FHL5: variants seen among roughly 807,000 people sequenced by gnomAD.
FHL5 encodes the protein four and a half LIM domains protein 5.
FHL5 carries 33 observed loss-of-function variants against 32.0 expected under a neutral mutation model. The observed-to-expected ratio is 1.03, with a 90% confidence interval of 0.78 to 1.38. The LOEUF (loss-of-function observed/expected upper bound fraction) is 1.38. Ranked by LOEUF, FHL5 falls within the 40% of genes most tolerant of loss-of-function variation. FHL5 has a pLI of 0.00. For missense variants in FHL5, 336 were observed against 343.9 expected (o/e 0.98, Z 0.18); for synonymous variants, 114 against 113.6 (o/e 1.00, Z -0.02).
At position 96,574,084 on chromosome 6, in the gene FHL5, CTT is replaced by C. The variant is rs1382489621; in HGVS notation, c.-13+10735_-13+10736del. Among the ~76,000 whole-genome samples the C allele has an allele frequency of 2.6e-5, 4 of 151,900 alleles. No individual in the cohort carries two copies. In the South Asian group the frequency reaches 8.3e-4, roughly 32 times the overall value. On this transcript the variant is annotated intron_variant, in intron 1 of 5. Transcript: ENST00000450218. ...GTCATACTGATTATTCTATTTCACA[CTT>C]TTTTTCCCACTTAGAGAATTATAAG...
chr6:96,574,653 G>A (rs1043520737), intron 1 of FHL5, among the ~76,000 whole-genome samples: 1 of 152,100 alleles, frequency 6.6e-6, no homozygotes, highest in African/African-American at 2.4e-5. Context: ...CCCAGGGTTT[G>A]AGAAATTTCT....
intron 1 of FHL5, among the ~76,000 whole-genome samples, chr6:96,597,403 T>C (rs1239133829): frequency 2.0e-5 from 3 of 152,162 alleles, no homozygotes; most frequent in Non-Finnish European, 4.4e-5. Context: ...GGCATGACAT[T>C]TGTTGATTAG....
chr6:96,569,588 T>G (rs1437668729), intron 1 of FHL5, among the ~76,000 whole-genome samples: 1 of 152,054 alleles, frequency 6.6e-6, no homozygotes, highest in African/African-American at 2.4e-5. Context: ...TTATTTGCTT[T>G]ATAAATCTGG....
chr6:96,613,776 T>G (rs1771461339), intron 5 of FHL5, among the ~76,000 whole-genome samples: 1 of 152,216 alleles, frequency 6.6e-6, no homozygotes. Context: ...CTGGGTGACC[T>G]GGGGCAAGCG....
rs1196404011 is a variant in FHL5 at position 96,617,222 on chromosome 6, G to C, written c.*1450G>C. Reference sequence around the variant, plus strand: ...TTTCACATTGGTTATAGCATCTCTTGGATGGAGTAGAGGGAGGTCAGGAGA... The same window carrying C: ...TTTCACATTGGTTATAGCATCTCTTCGATGGAGTAGAGGGAGGTCAGGAGA... On this transcript the variant is annotated 3_prime_UTR_variant, in exon 6 of 6. Transcript: ENST00000450218. 6.6e-6 allele frequency among the ~76,000 whole-genome samples: 1 copy of C among 152,158 alleles called. No homozygotes were observed. Among genetic ancestry groups the C allele is most frequent in the Non-Finnish European group, 1.5e-5 (1 of 68,030 alleles).
intron 1 of FHL5, among the ~76,000 whole-genome samples, chr6:96,585,782 A>T (rs1770784289): frequency 6.6e-6 from 1 of 152,208 alleles, no homozygotes; most frequent in Admixed American, 6.5e-5. Flanking sequence ...GAGAGTCATT[A>T]TTGGAAACCA....
Position 96,618,042 on chromosome 6 carries a change from G to A in FHL5, c.*2270G>A, listed in dbSNP as rs1771557460. The stretch of plus-strand genomic sequence containing the variant: ...GTATGGAAATGCAGAAGTGCCTGAT[G>A]CAAAGATCCTTGCCTGCAGGTTAAA... On this transcript the variant is annotated 3_prime_UTR_variant, in exon 6 of 6. Coordinates refer to ENST00000450218, the MANE Select transcript of FHL5 (RefSeq NM_001322466.2). 6.6e-6 allele frequency among the ~76,000 whole-genome samples: 1 copy of A among 152,176 alleles called. No individual in the cohort carries two copies. Among genetic ancestry groups the A allele is most frequent in the African/African-American group, 2.4e-5 (1 of 41,444 alleles).
At chr6:96,604,714 A>T (rs1456327820) in intron 2 of FHL5, 36 bp from the exon 3 acceptor site, 1 of 1,560,526 alleles carries the variant, frequency 6.4e-7, no homozygotes, top group Non-Finnish European at 8.7e-7. Context: ...TATTGTCACA[A>T]CCACATTTAA....
At chr6:96,614,952 G>A (rs960904579) in intron 5 of FHL5, among the ~76,000 whole-genome samples, 2 of 152,172 alleles carry the variant, frequency 1.3e-5, no homozygotes, top group Non-Finnish European at 2.9e-5. Context: ...TTCAACAAAA[G>A]CTGAAGCTGG....
chr6:96,593,767 T>G (rs1020273264), intron 1 of FHL5, among the ~76,000 whole-genome samples: 1 of 152,128 alleles, frequency 6.6e-6, no homozygotes, highest in East Asian at 1.9e-4. Flanking sequence ...TACGCTTTTC[T>G]CCTTCCTTTG....
rs1219942266 is a variant in FHL5 at position 96,610,651 on chromosome 6, A to G, written c.584A>G (p.Asp195Gly). The change falls in exon 5 of 6, where the codon GAT (aspartate) becomes GGT (glycine). Residue 195 changes from aspartate (D) to glycine (G), a missense_variant. Coordinates refer to ENST00000450218, the MANE Select transcript of FHL5 (RefSeq NM_001322466.2). Reference protein sequence around the residue: ...ECFLCSGCRKDLCEEQFMSRD... With the variant: ...ECFLCSGCRKGLCEEQFMSRD... The stretch of plus-strand genomic sequence containing the variant: ...TTTCTGTGTAGTGGCTGTAGGAAAG[A>G]TCTCTGTGAAGAACAGTTCATGTCC... 2.5e-6 allele frequency: 4 copies of G among 1,613,496 alleles called. No individual in the cohort carries two copies. The East Asian group carries it at 8.9e-5, about 36-fold the overall frequency.
Position 96,610,694 on chromosome 6 carries a change from C to A in FHL5, c.627C>A (p.Phe209Leu), listed in dbSNP as rs748834846. ...TCATGTCCAGAGACGACTATCCATT[C>A]TGCGTGGACTGCTACAACCATCTTT... ...EQFMSRDDYP[F>L]CVDCYNHLYA... The change falls in exon 5 of 6, where the codon TTC becomes TTA. Residue 209 changes from phenylalanine to leucine, a missense_variant. By Grantham distance (22) the Phe-to-Leu change is conservative (BLOSUM62 0). Transcript: ENST00000450218. The A allele has an allele frequency of 5.6e-6, 9 of 1,613,684 alleles. No homozygotes were observed. In the African/African-American group the frequency reaches 1.2e-4, roughly 22 times the overall value.
Position 96,616,787 on chromosome 6 carries a change from A to G in FHL5, c.*1015A>G, listed in dbSNP as rs781261571. On this transcript the variant is annotated 3_prime_UTR_variant, in exon 6 of 6. Transcript: ENST00000450218. ...ACATAAATGATTAATGGGCAGACAT[A>G]AAAGTGGGCTTTAAAGAAATCTAGT... 1.1e-4 allele frequency among the ~76,000 whole-genome samples: 17 copies of G among 152,220 alleles called. No homozygotes were observed. The highest frequency in any genetic ancestry group is 2.2e-4 in the Non-Finnish European group (15 of 68,034).
chr6:96,598,025 T>C (rs1771071431), intron 1 of FHL5, among the ~76,000 whole-genome samples: 1 of 152,160 alleles, frequency 6.6e-6, no homozygotes, highest in Admixed American at 6.5e-5. Flanking sequence ...AGCCTATATG[T>C]TCAGGAAACA....
rs115799652 is a variant in FHL5, at chr6:96,610,741, G to T, written c.674G>T (p.Cys225Phe). 179 of 1,612,116 alleles carry T rather than the reference G, an allele frequency of 1.1e-4. No homozygotes were observed. The African/African-American group carries it at 2.2e-3, about 19-fold the overall frequency. ...NHLYANKCVA[C>F]SKPISGLTGA... is the part of the protein sequence containing the mutation. ...CTTTATGCCAACAAGTGTGTAGCCTGTTCCAAACCCATTAGTGGTGAGTTC... is the reference window on the plus strand; with the variant it reads ...CTTTATGCCAACAAGTGTGTAGCCTTTTCCAAACCCATTAGTGGTGAGTTC... The change falls in exon 5 of 6, where the codon TGT becomes TTT. Residue 225 changes from cysteine to phenylalanine, a missense_variant. Transcript: ENST00000450218.
At chr6:96,594,381 G>T (rs982568463) in intron 1 of FHL5, among the ~76,000 whole-genome samples, 1 of 150,952 alleles carries the variant, frequency 6.6e-6, no homozygotes, top group African/African-American at 2.4e-5. Flanking sequence ...TACCCCCAGA[G>T]GATGCACTCC....
At chr6:96,615,307 C>T (rs1771494341) in intron 5 of FHL5, among the ~76,000 whole-genome samples, 1 of 152,210 alleles carries the variant, frequency 6.6e-6, no homozygotes, top group Non-Finnish European at 1.5e-5. Context: ...ATTGTCTTAT[C>T]TGGCTTAGAC....
rs371164594 is a variant in FHL5, at chr6:96,603,756, T to C, written c.143T>C (p.Ile48Thr). 117 of 1,609,586 alleles carry C rather than the reference T, an allele frequency of 7.3e-5. No homozygotes were observed. Among genetic ancestry groups the C allele is most frequent in the Middle Eastern group, 1.6e-4 (1 of 6,062 alleles). The part of the protein sequence containing the change: ...SNYCEECKKP[I>T]ESDSKDLCYK... ...TATTGCGAGGAATGCAAAAAACCAA[T>C]TGAATCTGATTCTAAGGTAAGTCTC... is the stretch of plus-strand genomic sequence containing the variant. Residue 48 changes from isoleucine (I) to threonine (T), a missense_variant, in exon 2 of 6, where the codon ATT (isoleucine) becomes ACT (threonine). Ile to Thr is a moderately conservative substitution (Grantham distance 89). Coordinates refer to ENST00000450218, the MANE Select transcript of FHL5 (RefSeq NM_001322466.2).
In FHL5 at chr6:96,603,677, C is replaced by A. The variant is rs1344649060; in HGVS notation, c.64C>A (p.Leu22Ile). The A allele has an allele frequency of 1.2e-6, 2 of 1,612,522 alleles. No homozygotes were observed. Among genetic ancestry groups the A allele is most frequent in the Admixed American group, 3.3e-5 (2 of 59,968 alleles). ...TASLLGKKYV[L>I]KDDSPYCVTC... is the part of the protein sequence containing the mutation. Reference sequence around the variant, plus strand: ...ATCACTTCTTGGGAAGAAATATGTACTAAAGGATGACAGTCCATACTGTGT... The same window carrying A: ...ATCACTTCTTGGGAAGAAATATGTAATAAAGGATGACAGTCCATACTGTGT... Residue 22 changes from leucine (L) to isoleucine (I), a missense_variant, in exon 2 of 6, where the codon CTA (leucine) becomes ATA (isoleucine). Physicochemically the swap from Leu to Ile is conservative, Grantham distance 5 (BLOSUM62 2). Transcript: ENST00000450218.
Sources: gnomAD v4.1 joint callset for allele counts (sites outside exome capture counted in the v4.1 genomes callset) on GRCh38, gnomAD v4.1.1 for gene constraint, MANE v1.5 for transcripts, NCBI Gene and HGNC (gene_info 2026-07-23, HGNC 2026-07-21) for gene names.